Variants in TCF7 observed in about 807,000 individuals in gnomAD.
TCF7 encodes the protein T-cell-factor-7.
A neutral mutation model predicts 46.8 loss-of-function variants in TCF7; 19 were observed. The ratio of observed to expected loss-of-function variants is 0.41; its 90% confidence interval spans 0.28 to 0.60. The LOEUF (loss-of-function observed/expected upper bound fraction) is 0.60, where lower values mean the gene tolerates loss of function less well. TCF7 is among the 20% of genes least tolerant of loss of function. The pLI is 0.35. For synonymous variants in TCF7, 245 were observed against 213.4 expected, an observed-to-expected ratio of 1.15 and a Z score of -1.29; for missense variants, 547 against 504.6, an observed-to-expected ratio of 1.08 and a Z score of -0.81.
chr5:134,120,155 G>A (rs1208528491), intron 3 of TCF7, among the ~76,000 whole-genome samples: 5 of 152,070 alleles, frequency 3.3e-5, no homozygotes, highest in Non-Finnish European at 7.4e-5. Flanking sequence ...AGACAGAGGA[G>A]GGACTGGCAG....
At chr5:134,115,197 C>G (rs1755628405) in intron 1 of TCF7, 42 bp downstream of exon 1, 5 of 1,108,938 alleles carry the variant, frequency 4.5e-6, no homozygotes, top group Non-Finnish European at 4.4e-6. Context: ...GCGGTCGCCG[C>G]GCCGCGCCGC....
At chr5:134,125,184 G>A (rs970698903) in intron 3 of TCF7, among the ~76,000 whole-genome samples, 3 of 152,224 alleles carry the variant, frequency 2.0e-5, no homozygotes, top group Non-Finnish European at 2.9e-5. Context: ...AGTCTAGGCC[G>A]AGGGATTCTG....
intron 3 of TCF7, among the ~76,000 whole-genome samples, chr5:134,119,549 G>A (rs1290835245): frequency 6.6e-6 from 1 of 152,202 alleles, no homozygotes; most frequent in African/African-American, 2.4e-5. Flanking sequence ...CAGACTTGGG[G>A]CCATGTGTCC....
intron 3 of TCF7, among the ~76,000 whole-genome samples, chr5:134,129,970 C>G (rs931647935): frequency 6.6e-6 from 1 of 152,254 alleles, no homozygotes; most frequent in African/African-American, 2.4e-5. Context: ...GCTCAGGTGG[C>G]CACGCATCCA....
At position 134,146,462 on chromosome 5, in the gene TCF7, CGCAGCACCCT is replaced by C. The variant is rs1561707898; in HGVS notation, c.*164_*173del. The C allele has an allele frequency of 1.2e-6, 1 of 830,996 alleles. No homozygotes were observed. The highest frequency in any genetic ancestry group is 2.1e-6 in the Non-Finnish European group (1 of 481,616). 51.5% of individuals were successfully genotyped at this position (830,996 alleles called of 1,614,324 possible). On this transcript the variant is annotated 3_prime_UTR_variant, in exon 10 of 10. Coordinates refer to ENST00000342854, the MANE Select transcript of TCF7 (RefSeq NM_003202.5). ...AACCCCAGGGCCCCCACAGGCCCCC[CGCAGCACCCT>C]GCAGAGCACACAGGTACAGCAACAG...
rs1457059491 is a variant in TCF7, at chr5:134,142,865, C to T, written c.900C>T (p.Asn300=). Residue 300 remains asparagine (N), a synonymous_variant, in exon 7 of 10, where the codon AAC becomes AAT. Coordinates refer to ENST00000342854, the MANE Select transcript of TCF7 (RefSeq NM_003202.5). ...CACTTAAGGAGAGCGCTGCCATCAACCAGATCCTGGGCCGCAGGGTGAGAC... is the reference window on the plus strand; with the variant it reads ...CACTTAAGGAGAGCGCTGCCATCAATCAGATCCTGGGCCGCAGGGTGAGAC... ...ECTLKESAAI[N]QILGRRWHAL... 2 of 1,614,038 alleles carry T rather than the reference C, an allele frequency of 1.2e-6. No homozygotes were observed. Among genetic ancestry groups the T allele is most frequent in the Admixed American group, 1.7e-5 (1 of 60,024 alleles).
chr5:134,144,495 C>T, intron 9 of TCF7: 2 of 402,012 alleles, frequency 5.0e-6, no homozygotes. Flanking sequence ...CTGCAGCCTC[C>T]ATGCTGCAAG....
At chr5:134,145,416 T>TACCC in intron 9 of TCF7, 4 of 556,312 alleles carry the variant, frequency 7.2e-6, no homozygotes, top group Non-Finnish European at 1.0e-5. Context: ...ACCCAGGGGG[T>TACCC]ACCCTGGGCT....
intron 9 of TCF7, chr5:134,145,050 C>T: frequency 6.2e-6 from 4 of 646,892 alleles, no homozygotes; most frequent in East Asian, 2.8e-5. Flanking sequence ...GTGGAGAAGA[C>T]CACTTGGGTC....
chr5:134,115,860 C>G, intron 2 of TCF7, 49 bp from the exon 3 acceptor site: 1 of 1,612,238 alleles, frequency 6.2e-7, no homozygotes, highest in South Asian at 1.1e-5. Flanking sequence ...GCCTTCAGTC[C>G]CAGCCGCTGC....
intron 9 of TCF7, chr5:134,145,814 A>G (rs1321387487): frequency 6.2e-7 from 1 of 1,613,488 alleles, no homozygotes; most frequent in African/African-American, 1.3e-5. Context: ...CCTCTAGCCC[A>G]GCTTGAGGAC....
At chr5:134,144,826 C>T (rs760933147) in intron 9 of TCF7, 24 of 1,614,094 alleles carry the variant, frequency 1.5e-5, no homozygotes, top group Non-Finnish European at 1.9e-5. Flanking sequence ...ATGCCGTGCT[C>T]GCTTTGGCCT....
intron 1 of TCF7, 60 bp downstream of exon 1, chr5:134,115,215 G>A: frequency 5.9e-6 from 7 of 1,177,470 alleles, no homozygotes; most frequent in Non-Finnish European, 7.4e-6. Context: ...CGCCCCAGTT[G>A]CGCGCGGCCC....
chr5:134,127,578 G>T (rs3867426), intron 3 of TCF7, among the ~76,000 whole-genome samples: 1 of 152,222 alleles, frequency 6.6e-6, no homozygotes, highest in African/African-American at 2.4e-5. Context: ...CATGGGAAAT[G>T]GCTGGACTGA....
At chr5:134,124,794 C>T (rs1044921731) in intron 3 of TCF7, among the ~76,000 whole-genome samples, 6 of 152,182 alleles carry the variant, frequency 3.9e-5, no homozygotes, top group Non-Finnish European at 7.3e-5. Flanking sequence ...ATGGGCAGGA[C>T]GTGGCCCCAG....
chr5:134,145,854 A>G, intron 9 of TCF7: 2 of 1,607,968 alleles, frequency 1.2e-6, no homozygotes, highest in Non-Finnish European at 1.7e-6. Flanking sequence ...AGCCATAGGC[A>G]TTGCGGCCCC....
rs1382562643 is a variant in TCF7, at chr5:134,138,046, T to C, written c.442-13T>C. ...ACTCGCCACACTCACCCACCCTCCTTCTCATTTTTCAGCACAAGGCCAATC... is the reference window on the plus strand; with the variant it reads ...ACTCGCCACACTCACCCACCCTCCTCCTCATTTTTCAGCACAAGGCCAATC... On this transcript the variant is annotated splice_polypyrimidine_tract_variant and intron_variant, in intron 3 of 9. Transcript: ENST00000342854. 24 of 1,581,354 alleles carry C rather than the reference T, an allele frequency of 1.5e-5. No homozygotes were observed. Among genetic ancestry groups the C allele is most frequent in the Middle Eastern group, 3.4e-4 (2 of 5,946 alleles).
At chr5:134,116,751 AC>A (rs1755889234) in intron 3 of TCF7, among the ~76,000 whole-genome samples, 1 of 152,266 alleles carries the variant, frequency 6.6e-6, no homozygotes, top group Non-Finnish European at 1.5e-5. Context: ...GCCCATTGGT[AC>A]AGATGACCTA....
chr5:134,142,106 T>C, intron 5 of TCF7, 79 bp from the exon 6 acceptor site: 1 of 1,592,022 alleles, frequency 6.3e-7, no homozygotes, highest in South Asian at 1.1e-5. Flanking sequence ...AAGTTATGTA[T>C]TATGCAGGGG....
Sources: allele counts gnomAD v4.1 joint callset (sites outside exome capture counted in the v4.1 genomes callset), GRCh38; gene constraint gnomAD v4.1.1; transcripts MANE v1.5; gene names NCBI Gene and HGNC (gene_info 2026-07-23, HGNC 2026-07-21).